The following PDE7B variants were observed in gnomAD, a reference collection of about 807,000 sequenced individuals.
PDE7B encodes 3',5'-cyclic-AMP phosphodiesterase 7B.
PDE7B carries 29 observed loss-of-function variants against 56.2 expected under a neutral mutation model. The observed-to-expected ratio is 0.52, with a 90% CI of 0.38 to 0.70. The LOEUF is 0.70. PDE7B is among the 30% of genes least tolerant of loss of function. The probability of loss-of-function intolerance (pLI) is 0.00; values close to 1 mark genes in which losing one functional copy is unlikely to be tolerated. For missense variants in PDE7B, 490 were observed against 565.0 expected (o/e 0.87, Z 1.35); for synonymous variants, 197 against 196.9 (o/e 1.00, Z 0.00).
intron 3 of PDE7B, among the ~76,000 whole-genome samples, chr6:136,144,750 G>C (rs1301277235): frequency 6.6e-6 from 1 of 152,102 alleles, no homozygotes; most frequent in Non-Finnish European, 1.5e-5. Context: ...CAGGCTGATT[G>C]TTTTGTGAAG....
intron 2 of PDE7B, among the ~76,000 whole-genome samples, chr6:136,006,135 C>T (rs562104031): frequency 1.3e-3 from 179 of 141,378 alleles, no homozygotes; most frequent in African/African-American, 4.4e-3. Flanking sequence ...TGTTCTCACT[C>T]ATAGGTGGGA....
chr6:135,894,080 A>G (rs933056991), intron 1 of PDE7B, among the ~76,000 whole-genome samples: 1 of 152,206 alleles, frequency 6.6e-6, no homozygotes, highest in African/African-American at 2.4e-5. Context: ...CTAAAATATC[A>G]GTAACAAAAC....
chr6:136,122,472 A>G (rs184527292), intron 3 of PDE7B, among the ~76,000 whole-genome samples: 1 of 152,212 alleles, frequency 6.6e-6, no homozygotes, highest in South Asian at 2.1e-4. Flanking sequence ...TCCCTCTTCA[A>G]TCCCCTAACC....
intron 2 of PDE7B, among the ~76,000 whole-genome samples, chr6:136,103,844 T>C (rs921521132): frequency 1.3e-5 from 2 of 152,206 alleles, no homozygotes; most frequent in African/African-American, 4.8e-5. Flanking sequence ...TGAAATGACC[T>C]TGACATACCA....
At chr6:136,056,117 T>C (rs999837742) in intron 2 of PDE7B, among the ~76,000 whole-genome samples, 1 of 152,178 alleles carries the variant, frequency 6.6e-6, no homozygotes, top group Non-Finnish European at 1.5e-5. Context: ...TGGATGGCAC[T>C]AGAAAGACAT....
chr6:135,895,259 A>C (rs1199695389), intron 1 of PDE7B, among the ~76,000 whole-genome samples: 1 of 152,220 alleles, frequency 6.6e-6, no homozygotes, highest in Non-Finnish European at 1.5e-5. Context: ...TCCACGAATA[A>C]TGATAGTGAG....
chr6:135,936,132 A>T (rs954864000), intron 1 of PDE7B, among the ~76,000 whole-genome samples: 1 of 152,214 alleles, frequency 6.6e-6, no homozygotes, highest in Non-Finnish European at 1.5e-5. Flanking sequence ...TTAAACTACA[A>T]GTGTATAGGA....
intron 5 of PDE7B, among the ~76,000 whole-genome samples, chr6:136,149,520 G>A (rs1778476262): frequency 6.6e-6 from 1 of 152,186 alleles, no homozygotes; most frequent in East Asian, 1.9e-4. Context: ...CTTTTACAGG[G>A]CAGGGTGCTT....
intron 6 of PDE7B, among the ~76,000 whole-genome samples, chr6:136,151,782 A>ATCACAAGGTCAGGAGTTCGAGACC (rs71006788): frequency 2.0e-5 from 3 of 151,556 alleles, no homozygotes; most frequent in Admixed American, 1.3e-4. Flanking sequence ...AAAAATACAA[A>ATCACAAGGTCAGGAGTTCGAGACC]AAAAAAATTA....
chr6:136,004,286 C>T (rs543894910), intron 2 of PDE7B, among the ~76,000 whole-genome samples: 75 of 152,246 alleles, frequency 4.9e-4, no homozygotes, highest in African/African-American at 1.8e-3. Context: ...CCTTTGAAAA[C>T]GGGCACAAGA....
chr6:135,970,505 A>G (rs905248834), intron 2 of PDE7B, among the ~76,000 whole-genome samples: 5 of 152,132 alleles, frequency 3.3e-5, no homozygotes, highest in African/African-American at 1.2e-4. Context: ...GCATATTGCT[A>G]AAATGCTGAT....
intron 2 of PDE7B, among the ~76,000 whole-genome samples, chr6:136,051,560 C>A (rs1249989779): frequency 6.6e-6 from 1 of 152,192 alleles, no homozygotes; most frequent in African/African-American, 2.4e-5. Flanking sequence ...TTACACAGAG[C>A]TTCTAAATTG....
rs139573407 is a variant in PDE7B at position 136,095,482 on chromosome 6, C to A, written c.83-13249C>A. ...TCTGTGAGGTATACAGAGCAGATCCCTACTTAAAGAAACAGAGGATCGGAT... is the reference window on the plus strand; with the variant it reads ...TCTGTGAGGTATACAGAGCAGATCCATACTTAAAGAAACAGAGGATCGGAT... On this transcript the variant is annotated intron_variant, in intron 2 of 12. Coordinates refer to ENST00000308191, the MANE Select transcript of PDE7B (RefSeq NM_018945.4). Among the ~76,000 whole-genome samples the A allele has an allele frequency of 6.7e-3, 1,021 of 152,258 alleles. 15 individuals are homozygous for A. The highest frequency in any genetic ancestry group is 0.023 in the African/African-American group (942 of 41,544).
intron 8 of PDE7B, among the ~76,000 whole-genome samples, chr6:136,158,302 T>C (rs1778645221): frequency 6.6e-6 from 1 of 152,138 alleles, no homozygotes; most frequent in Admixed American, 6.6e-5. Flanking sequence ...TTAAAATAAG[T>C]TGCAGATTCT....
chr6:136,086,678 G>A (rs991448990), intron 2 of PDE7B, among the ~76,000 whole-genome samples: 1 of 152,182 alleles, frequency 6.6e-6, no homozygotes, highest in Non-Finnish European at 1.5e-5. Context: ...GACTATGAGC[G>A]TGCATTTTCT....
At chr6:136,005,968 A>G (rs1417493393) in intron 2 of PDE7B, among the ~76,000 whole-genome samples, 2 of 151,944 alleles carry the variant, frequency 1.3e-5, no homozygotes, top group African/African-American at 4.8e-5. Context: ...ATGTCCAACA[A>G]TGATAGACTG....
Position 136,154,143 on chromosome 6 carries a change from C to T in PDE7B, c.547C>T (p.Gln183Ter). The T allele has an allele frequency of 6.2e-7, 1 of 1,613,700 alleles. No individual in the cohort carries two copies. Among genetic ancestry groups the T allele is most frequent in the Non-Finnish European group, 8.5e-7 (1 of 1,179,682 alleles). The change falls in exon 7 of 13, where the codon CAG (glutamine) becomes TAG (stop). Residue 183 changes from glutamine to a stop codon, truncating the protein, a stop_gained. Transcript: ENST00000308191. LOFTEE classifies it high-confidence loss of function. ...TGCTGTTCACGCAGCCGACGTCACC[C>T]AGGCCATGCACTGCTACCTGAAAGA... is the stretch of plus-strand genomic sequence containing the variant. ...HNAVHAADVT[Q>*]AMHCYLKEPK...
chr6:135,968,625 G>A (rs572455446), intron 2 of PDE7B, among the ~76,000 whole-genome samples: 6 of 152,226 alleles, frequency 3.9e-5, no homozygotes, highest in Non-Finnish European at 7.4e-5. Context: ...TTATTAAAAA[G>A]TCAGGAAACA....
At chr6:135,901,669 A>G (rs10872448) in intron 1 of PDE7B, among the ~76,000 whole-genome samples, 51,865 of 151,960 alleles carry the variant, frequency 0.34, 9,849 homozygotes, top group East Asian at 0.47. Context: ...GAGCAGCTGT[A>G]TGCAGAAGCA....
Sources: gnomAD v4.1 joint callset for allele counts (sites outside exome capture counted in the v4.1 genomes callset) on GRCh38, gnomAD v4.1.1 for gene constraint, MANE v1.5 for transcripts, NCBI Gene and HGNC (gene_info 2026-07-23, HGNC 2026-07-21) for gene names.